The following KCNT2 variants were observed in gnomAD, a reference collection of about 807,000 sequenced individuals.
The protein encoded by KCNT2 is potassium sodium-activated channel subfamily T member 2, also known as potassium channel subfamily T member 2.
Under a neutral mutation model 153.8 loss-of-function variants are expected in KCNT2, and 67 were observed. The ratio of observed to expected loss-of-function variants is 0.44; its 90% CI spans 0.36 to 0.53. KCNT2 has a LOEUF of 0.53. KCNT2 is among the 20% of genes least tolerant of loss of function. The probability of loss-of-function intolerance (pLI) is 0.00; values close to 1 mark genes in which losing one functional copy is unlikely to be tolerated. For missense variants in KCNT2, 975 were observed against 1,354.8 expected, an observed-to-expected ratio of 0.72 and a Z score of 4.40; for synonymous variants, 500 against 458.8, an observed-to-expected ratio of 1.09 and a Z score of -1.15.
chr1:196,555,772 A>G (rs950121519), intron 1 of KCNT2, among the ~76,000 whole-genome samples: 1 of 151,460 alleles, frequency 6.6e-6, no homozygotes, highest in African/African-American at 2.4e-5. Flanking sequence ...AGTAACCAAA[A>G]CAGCATGGTA....
intron 1 of KCNT2, among the ~76,000 whole-genome samples, chr1:196,578,986 T>C (rs1413426172): frequency 6.6e-6 from 1 of 152,084 alleles, no homozygotes; most frequent in African/African-American, 2.4e-5. Flanking sequence ...TCTACACAAG[T>C]GTAGTTTCCC....
chr1:196,412,856 T>A (rs889110577), intron 12 of KCNT2, among the ~76,000 whole-genome samples: 1 of 151,924 alleles, frequency 6.6e-6, no homozygotes. Flanking sequence ...ATCCTCATTT[T>A]GTTTAGAGAA....
rs141648065 is a variant in KCNT2 at position 196,250,818 on chromosome 1, A to C, written c.3211+7376T>G. 1.4e-3 allele frequency among the ~76,000 whole-genome samples: 206 copies of C among 152,270 alleles called. 1 individual carries two copies. The highest frequency in any genetic ancestry group is 4.8e-3 in the African/African-American group (200 of 41,570). ...AATTTAAAAATGGGCAAAAGAGATG[A>C]ATAAACATTGGTGAAAAGAAGACAT... On this transcript the variant is annotated intron_variant, in intron 26 of 27. Coordinates refer to ENST00000294725, the MANE Select transcript of KCNT2 (RefSeq NM_198503.5).
chr1:196,516,938 C>G (rs191836452), intron 1 of KCNT2, among the ~76,000 whole-genome samples: 2 of 152,300 alleles, frequency 1.3e-5, no homozygotes, highest in East Asian at 3.9e-4. Context: ...TGATCTCATA[C>G]TTCCTCATTG....
In KCNT2 at chr1:196,480,332, A is replaced by G. The variant is rs933962151; in HGVS notation, c.325-1094T>C. Among the ~76,000 whole-genome samples, 6 of 152,212 alleles carry G rather than the reference A, an allele frequency of 3.9e-5. No individual in the cohort carries two copies. The South Asian group carries it at 1.0e-3, about 26-fold the overall frequency. On this transcript the variant is annotated intron_variant, in intron 4 of 27. Transcript: ENST00000294725. Reference sequence around the variant, plus strand: ...GATAAAAATCTTTGAATTTAAAAGAATATTAAAACAGGAGAACAATAAGAA... The same window carrying G: ...GATAAAAATCTTTGAATTTAAAAGAGTATTAAAACAGGAGAACAATAAGAA...
At chr1:196,442,119 A>G (rs1274941853) in intron 8 of KCNT2, among the ~76,000 whole-genome samples, 1 of 151,796 alleles carries the variant, frequency 6.6e-6, no homozygotes, top group African/African-American at 2.4e-5. Context: ...TTAAACGCTT[A>G]TTGGGAAAAA....
intron 1 of KCNT2, among the ~76,000 whole-genome samples, chr1:196,599,584 T>A (rs1664480797): frequency 6.6e-6 from 1 of 152,214 alleles, no homozygotes; most frequent in Non-Finnish European, 1.5e-5. Context: ...ATTGCAGTAG[T>A]GCTAAGACTA....
chr1:196,334,060 C>A lies in KCNT2; in HGVS notation c.1784G>T (p.Gly595Val). Residue 595 changes from glycine to valine, a missense_variant and splice_region_variant, in exon 17 of 28, where the codon GGT (glycine) becomes GTT (valine). Around this residue, in one of 6 missense-constraint regions of KCNT2, gnomAD observed 325 missense variants for 388.1 expected, o/e 0.84. Transcript: ENST00000294725. ...LPVHSIIASM[G>V]TVAIDLQDTS... ...ATCTTGCAAGTCTATAGCCACAGTACCTAAAACAATAAAACATGAAAATTT... is the reference window on the plus strand; with the variant it reads ...ATCTTGCAAGTCTATAGCCACAGTAACTAAAACAATAAAACATGAAAATTT... 6.2e-7 allele frequency: 1 copy of A among 1,608,124 alleles called. No homozygotes were observed. The highest frequency in any genetic ancestry group is 2.2e-5 in the East Asian group (1 of 44,666).
intron 22 of KCNT2, among the ~76,000 whole-genome samples, chr1:196,295,476 C>T (rs1660591220): frequency 1.3e-5 from 2 of 148,402 alleles, no homozygotes; most frequent in South Asian, 4.2e-4. Context: ...AGTCTGAAAA[C>T]CAAAAAAAAA....
intron 8 of KCNT2, among the ~76,000 whole-genome samples, chr1:196,458,354 G>A (rs577833671): frequency 2.6e-5 from 4 of 151,668 alleles, no homozygotes; most frequent in Non-Finnish European, 5.9e-5. Context: ...ATCTCATGAA[G>A]AATGTTGGAT....
chr1:196,524,241 CTT>C (rs901273864), intron 1 of KCNT2, among the ~76,000 whole-genome samples: 10 of 152,248 alleles, frequency 6.6e-5, no homozygotes, highest in Middle Eastern at 3.4e-3. Context: ...AAATTTCACA[CTT>C]GAGTAAATTC....
chr1:196,279,008 C>G (rs912519243), intron 25 of KCNT2, among the ~76,000 whole-genome samples: 5 of 152,102 alleles, frequency 3.3e-5, no homozygotes, highest in African/African-American at 1.2e-4. Flanking sequence ...TATCTGAGAA[C>G]CAGGAAGCAG....
intron 4 of KCNT2, 58 bp downstream of exon 4, chr1:196,482,273 T>C (rs543451110): frequency 2.7e-6 from 3 of 1,094,738 alleles, no homozygotes; most frequent in Admixed American, 2.2e-5. Context: ...CAATAGTACT[T>C]CTCTGTGAAA....
At chr1:196,565,317 G>A (rs371658567) in intron 1 of KCNT2, among the ~76,000 whole-genome samples, 1 of 151,686 alleles carries the variant, frequency 6.6e-6, no homozygotes. Context: ...TGTGGAGAAA[G>A]GGGAATATCT....
chr1:196,346,822 C>T (rs781781733), intron 14 of KCNT2, among the ~76,000 whole-genome samples: 1 of 152,138 alleles, frequency 6.6e-6, no homozygotes, highest in Non-Finnish European at 1.5e-5. Context: ...CCAATTGCAG[C>T]AGAATGTAGC....
intron 8 of KCNT2, among the ~76,000 whole-genome samples, chr1:196,432,488 G>A (rs1674252083): frequency 6.6e-6 from 1 of 152,118 alleles, no homozygotes; most frequent in African/African-American, 2.4e-5. Flanking sequence ...CCCATGGCCT[G>A]GTAGGGGCCG....
At chr1:196,592,533 T>C (rs1663497555) in intron 1 of KCNT2, among the ~76,000 whole-genome samples, 1 of 147,496 alleles carries the variant, frequency 6.8e-6, no homozygotes, top group South Asian at 2.1e-4. Context: ...TATAACTTTC[T>C]AACTATATAT....
chr1:196,470,477 G>C (rs568237782), intron 5 of KCNT2, among the ~76,000 whole-genome samples: 3 of 152,272 alleles, frequency 2.0e-5, no homozygotes, highest in African/African-American at 7.2e-5. Context: ...GGTGAAATGG[G>C]ACTTCAACAG....
At chr1:196,237,398 C>T (rs1654539282) in intron 26 of KCNT2, among the ~76,000 whole-genome samples, 1 of 151,636 alleles carries the variant, frequency 6.6e-6, no homozygotes, top group African/African-American at 2.4e-5. Context: ...TGTAAGTTTG[C>T]CAGTAACATT....
Sources: gnomAD v4.1 joint callset for allele counts (sites outside exome capture counted in the v4.1 genomes callset) on GRCh38, gnomAD v4.1.1 for gene constraint, gnomAD v4.1.1 regional missense constraint, MANE v1.5 for transcripts, NCBI Gene and HGNC (gene_info 2026-07-23, HGNC 2026-07-21) for gene names.